Variants in ZEB1 observed in about 807,000 individuals in gnomAD.
ZEB1 encodes the protein zinc finger E-box binding homeobox 1.
A neutral mutation model predicts 84.9 loss-of-function variants in ZEB1; 21 were observed. The observed-to-expected ratio is 0.25, with a 90% CI of 0.18 to 0.36. ZEB1 has a LOEUF of 0.36. Ranked by LOEUF, ZEB1 falls within the 10% of genes least tolerant of loss-of-function variation. ZEB1 has a pLI of 1.00. For synonymous variants in ZEB1, 420 were observed against 471.1 expected (o/e 0.89, Z 1.41); for missense variants, 1,104 against 1,330.2 (o/e 0.83, Z 2.65).
In ZEB1 at chr10:31,461,130, C is replaced by G; in HGVS notation, c.152C>G (p.Ala51Gly). Residue 51 changes from alanine to glycine, a missense_variant, in exon 2 of 9, where the codon GCT becomes GGT. By Grantham distance (60) the Ala-to-Gly change is moderately conservative (BLOSUM62 0). Coordinates refer to ENST00000424869, the MANE Select transcript of ZEB1 (RefSeq NM_001174096.2). ...IVEEESVTDAADCEGVPEDDL... is the reference protein window; with the variant it reads ...IVEEESVTDAGDCEGVPEDDL... ...GAAGAAGAAAGTGTTACAGATGCAGCTGACTGTGAAGGTGTACCAGAGGAT... is the reference window on the plus strand; with the variant it reads ...GAAGAAGAAAGTGTTACAGATGCAGGTGACTGTGAAGGTGTACCAGAGGAT... The G allele has an allele frequency of 6.2e-7, 1 of 1,613,534 alleles. No homozygotes were observed. The highest frequency in any genetic ancestry group is 8.5e-7 in the Non-Finnish European group (1 of 1,179,702).
chr10:31,441,859 T>C (rs980850997), intron 1 of ZEB1, among the ~76,000 whole-genome samples: 1 of 152,200 alleles, frequency 6.6e-6, no homozygotes, highest in Admixed American at 6.5e-5. Flanking sequence ...CACAATGAGA[T>C]ACCATTTCAC....
intron 1 of ZEB1, among the ~76,000 whole-genome samples, chr10:31,409,407 A>T (rs1212457731): frequency 6.6e-6 from 1 of 152,196 alleles, no homozygotes; most frequent in Non-Finnish European, 1.5e-5. Flanking sequence ...TGTTTTGGTT[A>T]CTGTAGCCTT....
At chr10:31,346,642 C>A (rs570918250) in intron 1 of ZEB1, among the ~76,000 whole-genome samples, 1 of 151,946 alleles carries the variant, frequency 6.6e-6, no homozygotes, top group East Asian at 1.9e-4. Context: ...GAGCAGACCA[C>A]TTGATGAAGA....
At chr10:31,420,798 C>G (rs2056029111) in intron 1 of ZEB1, among the ~76,000 whole-genome samples, 1 of 152,128 alleles carries the variant, frequency 6.6e-6, no homozygotes, top group Non-Finnish European at 1.5e-5. Flanking sequence ...TTAGTAAAAA[C>G]TCTCACATCT....
At chr10:31,506,750 G>A (rs60588541) in intron 4 of ZEB1, among the ~76,000 whole-genome samples, 7,551 of 151,966 alleles carry the variant, frequency 0.05, 598 homozygotes, top group African/African-American at 0.17. Flanking sequence ...AGTTTAATCC[G>A]TTTATGTTAT....
chr10:31,488,650 G>A (rs186935590), intron 2 of ZEB1, among the ~76,000 whole-genome samples: 2 of 150,438 alleles, frequency 1.3e-5, no homozygotes, highest in East Asian at 3.9e-4. Flanking sequence ...TTCTTTTCTA[G>A]CACAAGCATT....
chr10:31,457,136 C>G (rs1279698526), intron 1 of ZEB1, among the ~76,000 whole-genome samples: 1 of 152,096 alleles, frequency 6.6e-6, no homozygotes, highest in East Asian at 1.9e-4. Context: ...GTGATGATCA[C>G]CTATGATTGT....
chr10:31,361,940 T>C (rs2043201255), intron 1 of ZEB1, among the ~76,000 whole-genome samples: 1 of 148,920 alleles, frequency 6.7e-6, no homozygotes, highest in Non-Finnish European at 1.5e-5. Context: ...GCAGAGGCAC[T>C]CCTCGCTTCG....
chr10:31,518,068 G>A (rs572132387), intron 6 of ZEB1, among the ~76,000 whole-genome samples: 33 of 152,190 alleles, frequency 2.2e-4, no homozygotes, highest in Non-Finnish European at 2.5e-4. Context: ...TCTTTCTAGC[G>A]TCTCTAGAAG....
At chr10:31,318,544 G>A (rs2032812196), upstream of ZEB1, 2 of 152,936 alleles carry the variant, frequency 1.3e-5, no homozygotes, top group East Asian at 1.9e-4. Context: ...GGCGTCCCTG[G>A]AAGGGAAGGG....
At chr10:31,446,305 CT>C (rs1042271079) in intron 1 of ZEB1, among the ~76,000 whole-genome samples, 13 of 151,452 alleles carry the variant, frequency 8.6e-5, no homozygotes, top group Non-Finnish European at 1.8e-4. Context: ...ATTCTTCTCT[CT>C]TTTTTTATTA....
intron 1 of ZEB1, among the ~76,000 whole-genome samples, chr10:31,382,630 CAG>C (rs1169129837): frequency 1.3e-5 from 2 of 151,984 alleles, no homozygotes; most frequent in Admixed American, 6.5e-5. Context: ...GAAAAGGTAA[CAG>C]AGAGAATACC....
intron 1 of ZEB1, among the ~76,000 whole-genome samples, chr10:31,341,844 A>G (rs922607071): frequency 6.6e-6 from 1 of 152,202 alleles, no homozygotes; most frequent in Non-Finnish European, 1.5e-5. Context: ...CACATTTTTA[A>G]TGGAACAAAT....
At chr10:31,377,264 A>G (rs1052259646) in intron 1 of ZEB1, among the ~76,000 whole-genome samples, 1 of 151,666 alleles carries the variant, frequency 6.6e-6, no homozygotes, top group East Asian at 1.9e-4. Context: ...ATGGTAGCCT[A>G]AAAGAATTAT....
chr10:31,320,599 T>G (rs1589895965), intron 1 of ZEB1: 5 of 151,906 alleles, frequency 3.3e-5, no homozygotes, highest in Admixed American at 1.3e-4. Context: ...CCCCTCTGCC[T>G]GGCGTGAGAG....
intron 1 of ZEB1, among the ~76,000 whole-genome samples, chr10:31,362,583 T>C (rs1186022911): frequency 3.0e-5 from 4 of 132,390 alleles, no homozygotes; most frequent in African/African-American, 1.2e-4. Context: ...GGGCAGAGGC[T>C]CTTGTCGCTT....
chr10:31,449,106 A>G (rs2060198530), intron 1 of ZEB1, among the ~76,000 whole-genome samples: 1 of 152,220 alleles, frequency 6.6e-6, no homozygotes, highest in African/African-American at 2.4e-5. Flanking sequence ...TGTGGGATAT[A>G]GTCTCATGGT....
At chr10:31,338,768 C>T (rs1247206911) in intron 1 of ZEB1, among the ~76,000 whole-genome samples, 1 of 152,094 alleles carries the variant, frequency 6.6e-6, no homozygotes, top group African/African-American at 2.4e-5. Flanking sequence ...TGCAGATCTA[C>T]CCGTAATGCA....
intron 1 of ZEB1, among the ~76,000 whole-genome samples, chr10:31,446,833 G>A (rs931810220): frequency 6.6e-6 from 1 of 151,070 alleles, no homozygotes; most frequent in Non-Finnish European, 1.5e-5. Context: ...TTACTTCCAA[G>A]TATGTGGTCA....
Sources: allele counts gnomAD v4.1 joint callset (sites outside exome capture counted in the v4.1 genomes callset), GRCh38; gene constraint gnomAD v4.1.1; transcripts MANE v1.5; gene names NCBI Gene and HGNC (gene_info 2026-07-23, HGNC 2026-07-21).